PRDM16: variants seen among roughly 807,000 people sequenced by gnomAD.
PRDM16 encodes PR/SET domain 16.
A neutral mutation model predicts 110.6 loss-of-function variants in PRDM16; 23 were observed. The ratio of observed to expected loss-of-function variants is 0.21; its 90% CI spans 0.15 to 0.29. The LOEUF (loss-of-function observed/expected upper bound fraction) is 0.29. PRDM16 is among the 10% of genes least tolerant of loss of function. The pLI, the probability that PRDM16 is intolerant of heterozygous loss-of-function variation, is 1.00. For missense variants in PRDM16, 1,615 were observed against 1,794.3 expected, an observed-to-expected ratio of 0.90 and a Z score of 1.81; for synonymous variants, 799 against 781.8, an observed-to-expected ratio of 1.02 and a Z score of -0.37.
In PRDM16 at chr1:3,358,452, T is replaced by A. The variant is rs1163308466; in HGVS notation, c.439-26700T>A. ...ATCTCCCACAGTGGAGGAGGTGTTG[T>A]CTCCAGAGGCAGCCGCTGCGCCCCA... On this transcript the variant is annotated intron_variant, in intron 3 of 16. Coordinates refer to ENST00000270722, the MANE Select transcript of PRDM16 (RefSeq NM_022114.4). The surrounding 1 kb of genome is among the most constrained non-coding windows in gnomAD (Gnocchi z 4.0). Among the ~76,000 whole-genome samples the A allele has an allele frequency of 6.6e-6, 1 of 152,034 alleles. No homozygotes were observed. Among genetic ancestry groups the A allele is most frequent in the African/African-American group, 2.4e-5 (1 of 41,380 alleles).
In PRDM16 at chr1:3,244,823, C is replaced by T. The variant is rs1184755569; in HGVS notation, c.438+686C>T. 6.6e-6 allele frequency among the ~76,000 whole-genome samples: 1 copy of T among 152,118 alleles called. No individual in the cohort carries two copies. The highest frequency in any genetic ancestry group is 1.5e-5 in the Non-Finnish European group (1 of 68,020). On this transcript the variant is annotated intron_variant, in intron 3 of 16. Transcript: ENST00000270722. This position sits in a 1 kb window ranked among gnomAD's most constrained non-coding sequence, Gnocchi z 4.1. ...GGAGGAATGGCCTGGAAAGCAGCTC[C>T]GAAACCTAGAACCTGTTCAGCAGCC...
chr1:3,163,830 G>A (rs959284421), intron 1 of PRDM16, among the ~76,000 whole-genome samples: 2 of 152,210 alleles, frequency 1.3e-5, no homozygotes, highest in Admixed American at 6.5e-5. Flanking sequence ...GGATAAGGGA[G>A]CCACCCCCAG....
chr1:3,404,948 G>A (rs893575538), intron 7 of PRDM16, 62 bp downstream of exon 7: 172 of 1,555,980 alleles, frequency 1.1e-4, no homozygotes, highest in Admixed American at 2.2e-4. Context: ...ACGGGCGCCC[G>A]CCCCCGTGCT....
At chr1:3,163,579 G>T (rs1009127436) in intron 1 of PRDM16, among the ~76,000 whole-genome samples, 1 of 152,218 alleles carries the variant, frequency 6.6e-6, no homozygotes, top group South Asian at 2.1e-4. Context: ...TGAAACAACA[G>T]ATACTTCTCC....
At chr1:3,186,951 G>A (rs1569800918) in intron 2 of PRDM16, among the ~76,000 whole-genome samples, 1 of 152,238 alleles carries the variant, frequency 6.6e-6, no homozygotes, top group East Asian at 1.9e-4. Flanking sequence ...TGGCCTAAGA[G>A]CAGCCTCAGC....
At chr1:3,357,566 C>T (rs1347732021) in intron 3 of PRDM16, among the ~76,000 whole-genome samples, 2 of 139,264 alleles carry the variant, frequency 1.4e-5, no homozygotes, top group African/African-American at 3.4e-5. Context: ...GTTCCCCCCA[C>T]GGGCCCCCAG....
chr1:3,272,117 C>T lies in PRDM16; in HGVS notation c.438+27980C>T, dbSNP rs557616575. On this transcript the variant is annotated intron_variant, in intron 3 of 16. Transcript: ENST00000270722. ...CTTCCAGAGGTGGCTGGTGGCCAGG[C>T]AGTGCTCAAACCCCAGGGAATCTGG... is the stretch of plus-strand genomic sequence containing the variant. Among the ~76,000 whole-genome samples the T allele has an allele frequency of 2.0e-5, 3 of 152,332 alleles. No homozygotes were observed. In the East Asian group the frequency reaches 5.8e-4, roughly 29 times the overall value.
intron 1 of PRDM16, among the ~76,000 whole-genome samples, chr1:3,128,664 G>C (rs938797044): frequency 5.3e-5 from 8 of 151,844 alleles, no homozygotes; most frequent in African/African-American, 1.9e-4. Context: ...GGACTGCCCT[G>C]TTCCTCCCAC....
At chr1:3,252,755 G>A (rs953189446) in intron 3 of PRDM16, among the ~76,000 whole-genome samples, 22 of 152,210 alleles carry the variant, frequency 1.4e-4, no homozygotes, top group African/African-American at 2.4e-4. Flanking sequence ...CCACAGCTGC[G>A]TGGACCGTGG....
chr1:3,331,747 G>A (rs1339600543), intron 3 of PRDM16, among the ~76,000 whole-genome samples: 2 of 152,224 alleles, frequency 1.3e-5, no homozygotes, highest in African/African-American at 4.8e-5. Flanking sequence ...CCTGGGCTGC[G>A]TCCTGGGCTC....
At chr1:3,424,430 C>G (rs1638533528) in intron 12 of PRDM16, among the ~76,000 whole-genome samples, 1 of 152,248 alleles carries the variant, frequency 6.6e-6, no homozygotes, top group African/African-American at 2.4e-5. Context: ...TGACGACTTT[C>G]CAGCCGCAAG....
intron 2 of PRDM16, among the ~76,000 whole-genome samples, chr1:3,200,137 TCCCCGTGATGACTG>T (rs1638581597): frequency 6.6e-6 from 1 of 152,136 alleles, no homozygotes; most frequent in Non-Finnish European, 1.5e-5. Flanking sequence ...GAGGCAACAA[TCCCCGTGATGACTG>T]CCCAGGGCCT....
chr1:3,181,630 GCAGTCTTACACA>G (rs1557509786), intron 1 of PRDM16, among the ~76,000 whole-genome samples: 4 of 98,350 alleles, frequency 4.1e-5, no homozygotes, highest in African/African-American at 4.7e-5. Flanking sequence ...TCTTACACAT[GCAGTCTTACACA>G]CGGTCTTACA....
chr1:3,435,051 C>T lies in PRDM16; in HGVS notation c.*1240C>T, dbSNP rs900675278. 4.4e-5 allele frequency: 10 copies of T among 226,964 alleles called. No homozygotes were observed. Among genetic ancestry groups the T allele is most frequent in the Admixed American group, 2.3e-4 (4 of 17,534 alleles). The allele number at this position is 226,964 out of a possible 1,614,324, so 14.1% of individuals were successfully genotyped here. ...GAGACACAGCTTGAGAACAGAAGGG[C>T]GTCGGGGGAACCTGCCGCAAGGAGC... On this transcript the variant is annotated 3_prime_UTR_variant, in exon 17 of 17. Transcript: ENST00000270722.
intron 3 of PRDM16, among the ~76,000 whole-genome samples, chr1:3,323,930 C>G (rs371662766): frequency 6.6e-6 from 1 of 152,198 alleles, no homozygotes; most frequent in African/African-American, 2.4e-5. Flanking sequence ...TTGCGGGCAG[C>G]GGACGGGGCT....
At chr1:3,248,271 A>G (rs544656855) in intron 3 of PRDM16, among the ~76,000 whole-genome samples, 119 of 152,336 alleles carry the variant, frequency 7.8e-4, no homozygotes, top group Admixed American at 2.0e-3. Flanking sequence ...CTCTGGCGAT[A>G]TGAAAGGGGA....
intron 10 of PRDM16, 109 bp from the exon 11 acceptor site, chr1:3,417,719 C>T: frequency 1.1e-6 from 1 of 942,898 alleles, no homozygotes; most frequent in Non-Finnish European, 1.7e-6. Flanking sequence ...TTCCAGTGCC[C>T]ACCTGAGCAC....
intron 3 of PRDM16, chr1:3,307,883 T>G (rs1641349750): frequency 6.6e-6 from 1 of 152,144 alleles, no homozygotes; most frequent in Non-Finnish European, 1.5e-5. Flanking sequence ...CAAGAGCGGC[T>G]CAGCCTGTGA....
At chr1:3,181,170 A>ACACACG (rs1285638741) in intron 1 of PRDM16, among the ~76,000 whole-genome samples, 1 of 50,578 alleles carries the variant, frequency 2.0e-5, no homozygotes, top group African/African-American at 6.8e-5. Flanking sequence ...ACGCGGTCTT[A>ACACACG]CGGTCTTACA....
Sources: allele counts gnomAD v4.1 joint callset (sites outside exome capture counted in the v4.1 genomes callset), GRCh38; gene constraint gnomAD v4.1.1; non-coding constraint Gnocchi (gnomAD v3.1); transcripts MANE v1.5; gene names NCBI Gene and HGNC (gene_info 2026-07-23, HGNC 2026-07-21).